MAGI2: variants seen among roughly 807,000 people sequenced by gnomAD.
MAGI2 encodes membrane associated guanylate kinase, WW and PDZ domain containing 2.
Under a neutral mutation model 133.3 loss-of-function variants are expected in MAGI2, and 35 were observed. The observed-to-expected ratio is 0.26, with a 90% CI of 0.20 to 0.35. The LOEUF is 0.35. Among genes scored for constraint, MAGI2 ranks in the 10% least tolerant of loss-of-function variants. The probability of loss-of-function intolerance (pLI) is 1.00; values close to 1 mark genes in which losing one functional copy is unlikely to be tolerated. For missense variants in MAGI2, 1,636 were observed against 1,863.4 expected (o/e 0.88, Z 2.25); for synonymous variants, 729 against 710.6 (o/e 1.03, Z -0.41).
rs192461347 is a variant in MAGI2, at chr7:78,083,968, G to A, written c.3568-4883C>T. On this transcript the variant is annotated intron_variant, in intron 20 of 21. Transcript: ENST00000354212. ...GCTTGTCTCAATGAAATATTTATAA[G>A]AATTAGATTAAATCCTGGATTTACT... 4.6e-3 allele frequency among the ~76,000 whole-genome samples: 704 copies of A among 152,280 alleles called. 3 individuals carry two copies. The highest frequency in any genetic ancestry group is 8.2e-3 in the Non-Finnish European group (560 of 68,024).
At chr7:78,449,713 C>T (rs992598300) in intron 6 of MAGI2, among the ~76,000 whole-genome samples, 20 of 152,042 alleles carry the variant, frequency 1.3e-4, no homozygotes, top group African/African-American at 4.6e-4. Context: ...AACTATACTT[C>T]CTAATACTTC....
At chr7:79,176,198 C>A (rs755646504) in intron 1 of MAGI2, among the ~76,000 whole-genome samples, 3 of 151,902 alleles carry the variant, frequency 2.0e-5, no homozygotes, top group African/African-American at 4.8e-5. Flanking sequence ...CTCGAATATA[C>A]CTTTAAGGAA....
intron 1 of MAGI2, among the ~76,000 whole-genome samples, chr7:79,043,057 A>G (rs775708292): frequency 2.0e-5 from 3 of 152,152 alleles, no homozygotes; most frequent in Non-Finnish European, 4.4e-5. Flanking sequence ...ACAACATAGA[A>G]GAATCTCTGG....
intron 2 of MAGI2, among the ~76,000 whole-genome samples, chr7:78,678,461 T>C (rs1815290203): frequency 6.6e-6 from 1 of 152,162 alleles, no homozygotes; most frequent in Non-Finnish European, 1.5e-5. Context: ...AGTAGGGTGG[T>C]AAGGTTTGCT....
At chr7:79,231,767 T>C (rs1368626649) in intron 1 of MAGI2, among the ~76,000 whole-genome samples, 1 of 145,998 alleles carries the variant, frequency 6.8e-6, no homozygotes, top group East Asian at 2.0e-4. Context: ...CCTCTTTTCC[T>C]AATTGAATAC....
chr7:79,247,167 A>G (rs549267967), intron 1 of MAGI2, among the ~76,000 whole-genome samples: 9 of 152,348 alleles, frequency 5.9e-5, no homozygotes, highest in Non-Finnish European at 1.2e-4. Context: ...TCAATCTGAA[A>G]GAAAAGGACA....
At chr7:79,058,816 T>C (rs1240585975) in intron 1 of MAGI2, among the ~76,000 whole-genome samples, 2 of 152,162 alleles carry the variant, frequency 1.3e-5, no homozygotes, top group Admixed American at 1.3e-4. Flanking sequence ...TCAGACAGAT[T>C]AGGCAGAGTT....
intron 1 of MAGI2, among the ~76,000 whole-genome samples, chr7:79,305,130 A>T (rs1837682058): frequency 6.6e-6 from 1 of 152,130 alleles, no homozygotes; most frequent in Non-Finnish European, 1.5e-5. Flanking sequence ...TTACATTATC[A>T]TTTTCTTGGC....
chr7:79,445,693 C>A (rs575817137), intron 1 of MAGI2, among the ~76,000 whole-genome samples: 1 of 152,074 alleles, frequency 6.6e-6, no homozygotes, highest in African/African-American at 2.4e-5. Context: ...TGTGGAGAAA[C>A]AGGAACACTT....
intron 1 of MAGI2, among the ~76,000 whole-genome samples, chr7:79,028,210 CA>C (rs11293261): frequency 0.59 from 69,298 of 116,854 alleles, 20,719 homozygotes; most frequent in East Asian, 0.65. Context: ...GACTCCATCT[CA>C]AAAAAATATA....
intron 10 of MAGI2, among the ~76,000 whole-genome samples, chr7:78,202,244 T>C (rs759520346): frequency 1.6e-4 from 24 of 152,208 alleles, no homozygotes; most frequent in Non-Finnish European, 3.1e-4. Context: ...TTGACAACTA[T>C]TCCTATTTCC....
chr7:78,666,247 A>G (rs1169360095), intron 2 of MAGI2, among the ~76,000 whole-genome samples: 1 of 152,084 alleles, frequency 6.6e-6, no homozygotes, highest in Non-Finnish European at 1.5e-5. Flanking sequence ...CTACTAGCCA[A>G]ATTTTAGCAA....
At chr7:78,733,667 T>A (rs1291917289) in intron 2 of MAGI2, among the ~76,000 whole-genome samples, 1 of 152,194 alleles carries the variant, frequency 6.6e-6, no homozygotes, top group Non-Finnish European at 1.5e-5. Flanking sequence ...AAGGGTTTTG[T>A]CCAAATAATG....
At chr7:78,345,479 T>C (rs1184251604) in intron 8 of MAGI2, 3 of 158,708 alleles carry the variant, frequency 1.9e-5, no homozygotes, top group African/African-American at 7.2e-5. Context: ...GTCGCGCTGA[T>C]AGTAAGACAA....
intron 16 of MAGI2, among the ~76,000 whole-genome samples, chr7:78,156,813 A>G (rs1191869393): frequency 6.7e-6 from 1 of 149,814 alleles, no homozygotes; most frequent in Non-Finnish European, 1.5e-5. Flanking sequence ...GAAGCCACGA[A>G]AAAAAAAACA....
At chr7:78,081,686 A>G (rs1035789794) in intron 20 of MAGI2, among the ~76,000 whole-genome samples, 3 of 152,176 alleles carry the variant, frequency 2.0e-5, no homozygotes. Flanking sequence ...ACTGTTCAGG[A>G]GTTTAGGTTT....
At chr7:78,176,908 G>GACAC (rs200781303) in intron 14 of MAGI2, among the ~76,000 whole-genome samples, 7,808 of 130,362 alleles carry the variant, frequency 0.06, 288 homozygotes, top group African/African-American at 0.082. Flanking sequence ...ACCATATATA[G>GACAC]ACACACACAC....
chr7:79,385,208 G>A (rs1013617806), intron 1 of MAGI2, among the ~76,000 whole-genome samples: 1 of 151,786 alleles, frequency 6.6e-6, no homozygotes, highest in African/African-American at 2.4e-5. Flanking sequence ...GCGGTAAGGT[G>A]ATTATGGAAG....
intron 2 of MAGI2, among the ~76,000 whole-genome samples, chr7:78,921,124 G>A (rs533608182): frequency 2.1e-4 from 30 of 139,630 alleles, no homozygotes; most frequent in Non-Finnish European, 3.6e-4. Context: ...TTGATTCTTG[G>A]AGCTCCACAT....
Sources: gnomAD v4.1 joint callset for allele counts (sites outside exome capture counted in the v4.1 genomes callset) on GRCh38, gnomAD v4.1.1 for gene constraint, MANE v1.5 for transcripts, NCBI Gene and HGNC (gene_info 2026-07-23, HGNC 2026-07-21) for gene names.